The following ASB3 variants were observed in gnomAD, a reference collection of about 807,000 sequenced individuals.
ASB3 encodes the protein ankyrin repeat and SOCS box protein 3.
In ASB3, 41 loss-of-function variants were observed where a neutral mutation model predicts 54.5. The observed-to-expected ratio is 0.75, with a 90% CI of 0.59 to 0.98. ASB3 has a LOEUF of 0.98. ASB3 is among the 50% of genes least tolerant of loss of function. The probability of loss-of-function intolerance (pLI) is 0.00; values close to 1 mark genes in which losing one functional copy is unlikely to be tolerated. For synonymous variants in ASB3, 266 were observed against 221.2 expected, an observed-to-expected ratio of 1.20 and a Z score of -1.80; for missense variants, 733 against 620.0, an observed-to-expected ratio of 1.18 and a Z score of -1.94.
At chr2:53,730,419 G>A (rs922775663) in intron 3 of ASB3, among the ~76,000 whole-genome samples, 6 of 152,198 alleles carry the variant, frequency 3.9e-5, no homozygotes. Flanking sequence ...ACATGTATAA[G>A]AAGGTCTGGC....
intron 1 of ASB3, among the ~76,000 whole-genome samples, chr2:53,784,592 G>A (rs1243282205): frequency 1.3e-5 from 2 of 152,138 alleles, no homozygotes; most frequent in African/African-American, 4.8e-5. Context: ...CCTAGCTTGT[G>A]GTGATTACTG....
At chr2:53,680,211 A>G (rs1413046467) in intron 9 of ASB3, among the ~76,000 whole-genome samples, 1 of 152,194 alleles carries the variant, frequency 6.6e-6, no homozygotes, top group Non-Finnish European at 1.5e-5. Flanking sequence ...ACATATGTGT[A>G]CATGTGTCTT....
At chr2:53,767,791 CGCGCGGCCG>C in intron 1 of ASB3, 1 of 1,483,630 alleles carries the variant, frequency 6.7e-7, no homozygotes, top group Non-Finnish European at 9.1e-7. Context: ...GCCTGCGCCC[CGCGCGGCCG>C]GTTACTCGCT....
chr2:53,690,238 CAAAT>C (rs1194031888), intron 9 of ASB3, among the ~76,000 whole-genome samples: 2 of 151,740 alleles, frequency 1.3e-5, no homozygotes, highest in Non-Finnish European at 2.9e-5. Flanking sequence ...CCTGTCCCCC[CAAAT>C]AAATAAATAA....
intron 7 of ASB3, among the ~76,000 whole-genome samples, chr2:53,710,946 C>A (rs1353532471): frequency 6.7e-6 from 1 of 149,282 alleles, no homozygotes; most frequent in Non-Finnish European, 1.5e-5. Flanking sequence ...GGCAACACGG[C>A]AAACCCTGTC....
chr2:53,678,126 ATAGTTACC>A (rs1668180108), intron 9 of ASB3, among the ~76,000 whole-genome samples: 1 of 136,678 alleles, frequency 7.3e-6, no homozygotes, highest in South Asian at 2.7e-4. Context: ...ATCATCTCAT[ATAGTTACC>A]TTGCTGGTGT....
In ASB3 at chr2:53,673,878, T is replaced by A. The variant is rs145805841; in HGVS notation, c.1370-3188A>T. Among the ~76,000 whole-genome samples the A allele has an allele frequency of 8.5e-5, 13 of 152,306 alleles. No homozygotes were observed. The East Asian group carries it at 2.5e-3, about 29-fold the overall frequency. Reference sequence around the variant, plus strand: ...ACAGATCACTGGCCTAATGAACAATTAGAGGTAAGAACTATGTTCAGCTGA... The same window carrying A: ...ACAGATCACTGGCCTAATGAACAATAAGAGGTAAGAACTATGTTCAGCTGA... On this transcript the variant is annotated intron_variant, in intron 9 of 9. Transcript: ENST00000263634.
chr2:53,678,535 G>C (rs1668203399), intron 9 of ASB3, among the ~76,000 whole-genome samples: 1 of 152,140 alleles, frequency 6.6e-6, no homozygotes, highest in African/African-American at 2.4e-5. Flanking sequence ...ATCATTATAG[G>C]TGCACTAAGC....
At chr2:53,701,175 A>G (rs1366140496) in intron 7 of ASB3, among the ~76,000 whole-genome samples, 1 of 152,096 alleles carries the variant, frequency 6.6e-6, no homozygotes, top group Non-Finnish European at 1.5e-5. Flanking sequence ...GAGTCTCACT[A>G]TGTTGCCCAG....
At chr2:53,763,567 G>C (rs562080732) in intron 2 of ASB3, 1 of 169,430 alleles carries the variant, frequency 5.9e-6, no homozygotes, top group Non-Finnish European at 1.5e-5. Flanking sequence ...GGTGTCCGTG[G>C]ACATTTTGGG....
intron 3 of ASB3, among the ~76,000 whole-genome samples, chr2:53,746,406 T>C (rs1489857037): frequency 4.6e-5 from 7 of 152,054 alleles, no homozygotes; most frequent in Admixed American, 3.3e-4. Context: ...GAGTTATATG[T>C]CCATTCCTAT....
rs986542592 is a variant in ASB3, at chr2:53,765,400, C to T, written c.173G>A (p.Cys58Tyr). 1.9e-6 allele frequency: 3 copies of T among 1,614,100 alleles called. No homozygotes were observed. The Admixed American group carries it at 5.0e-5, about 27-fold the overall frequency. ...ACCTGCATTAATTAACATTTGCAAACATTCTACAGAGTTGTGATAAGCTGC... is the reference window on the plus strand; with the variant it reads ...ACCTGCATTAATTAACATTTGCAAATATTCTACAGAGTTGTGATAAGCTGC... ...HEAAYHNSVE[C>Y]LQMLINADSS... The change falls in exon 2 of 10, where the codon TGT becomes TAT. Residue 58 changes from cysteine (C) to tyrosine (Y), a missense_variant. By Grantham distance (194) the Cys-to-Tyr change is radical. Transcript: ENST00000263634.
intron 8 of ASB3, among the ~76,000 whole-genome samples, chr2:53,696,414 G>A (rs559560932): frequency 6.6e-4 from 100 of 152,236 alleles, no homozygotes; most frequent in Non-Finnish European, 1.3e-3. Flanking sequence ...TCAGAATTGG[G>A]AAAGGGGGGA....
intron 9 of ASB3, among the ~76,000 whole-genome samples, chr2:53,677,665 T>A (rs747408271): frequency 2.0e-5 from 3 of 152,212 alleles, no homozygotes; most frequent in Non-Finnish European, 2.9e-5. Flanking sequence ...CTTTTGCTAT[T>A]GAATAAGAAA....
chr2:53,674,080 G>C (rs750568008), intron 9 of ASB3, among the ~76,000 whole-genome samples: 31 of 152,264 alleles, frequency 2.0e-4, no homozygotes, highest in Non-Finnish European at 3.4e-4. Flanking sequence ...TTCCAGACGT[G>C]TTGCCACTAG....
intron 5 of ASB3, among the ~76,000 whole-genome samples, chr2:53,726,257 ATTTTT>A (rs35225840): frequency 1.5e-5 from 2 of 135,484 alleles, no homozygotes. Context: ...TTTAATCTAA[ATTTTT>A]TTTTTTTTTT....
chr2:53,727,498 T>C (rs948356010), intron 5 of ASB3, among the ~76,000 whole-genome samples: 1 of 151,990 alleles, frequency 6.6e-6, no homozygotes, highest in African/African-American at 2.4e-5. Flanking sequence ...TAGCTGGGCA[T>C]GGTGAAATGC....
intron 3 of ASB3, among the ~76,000 whole-genome samples, chr2:53,731,055 T>C (rs905709715): frequency 5.3e-5 from 8 of 152,218 alleles, no homozygotes; most frequent in Admixed American, 5.2e-4. Flanking sequence ...GTTTTATATA[T>C]TGAATTTATA....
rs1006659794 is a variant in ASB3, at chr2:53,700,670, T to C, written c.981-142A>G. The C allele has an allele frequency of 7.2e-6, 9 of 1,246,100 alleles. No individual in the cohort carries two copies. In the East Asian group the frequency reaches 7.7e-5, roughly 11 times the overall value. 77.2% of individuals were successfully genotyped at this position (1,246,100 alleles called of 1,614,324 possible). On this transcript the variant is annotated intron_variant, in intron 7 of 9. Transcript: ENST00000263634. The stretch of plus-strand genomic sequence containing the variant: ...GGATGGTTTCTACACATCTAGTGGA[T>C]TGAGATTAGAGAATGTGGTGGGGCT...
Sources: allele counts gnomAD v4.1 joint callset (sites outside exome capture counted in the v4.1 genomes callset), GRCh38; gene constraint gnomAD v4.1.1; transcripts MANE v1.5; gene names NCBI Gene and HGNC (gene_info 2026-07-23, HGNC 2026-07-21).